DCC: variants seen among roughly 807,000 people sequenced by gnomAD.
DCC encodes DCC netrin 1 receptor.
DCC carries 58 observed loss-of-function variants against 172.5 expected under a neutral mutation model. The observed-to-expected ratio is 0.34, with a 90% CI of 0.27 to 0.42. DCC has a LOEUF of 0.42. Among genes scored for constraint, DCC ranks in the 10% least tolerant of loss-of-function variants. The probability of loss-of-function intolerance (pLI) is 1.00; values close to 1 mark genes in which losing one functional copy is unlikely to be tolerated. For missense variants in DCC, 1,740 were observed against 1,791.0 expected, an observed-to-expected ratio of 0.97 and a Z score of 0.51; for synonymous variants, 709 against 644.5, an observed-to-expected ratio of 1.10 and a Z score of -1.52.
At chr18:53,282,816 A>T (rs539339993) in intron 12 of DCC, among the ~76,000 whole-genome samples, 1 of 152,302 alleles carries the variant, frequency 6.6e-6, no homozygotes, top group African/African-American at 2.4e-5. Context: ...GCAGGGAGTG[A>T]AAAAGACTTC....
At chr18:52,440,702 T>C (rs1190569883) in intron 1 of DCC, among the ~76,000 whole-genome samples, 1 of 152,244 alleles carries the variant, frequency 6.6e-6, no homozygotes, top group Non-Finnish European at 1.5e-5. Context: ...ATTAACTTTT[T>C]CATTTCACAC....
chr18:52,572,959 C>T (rs1224531308), intron 1 of DCC, among the ~76,000 whole-genome samples: 1 of 152,130 alleles, frequency 6.6e-6, no homozygotes, highest in Non-Finnish European at 1.5e-5. Flanking sequence ...ACATTAAATG[C>T]CTCTTAAAAG....
intron 12 of DCC, among the ~76,000 whole-genome samples, chr18:53,254,005 G>A (rs2056474100): frequency 6.6e-6 from 1 of 152,086 alleles, no homozygotes; most frequent in Non-Finnish European, 1.5e-5. Context: ...TCCCTCCAAT[G>A]TATTAGCATA....
intron 2 of DCC, among the ~76,000 whole-genome samples, chr18:52,868,077 G>GTA (rs1365515503): frequency 0.056 from 6,687 of 120,308 alleles, 275 homozygotes; most frequent in Middle Eastern, 0.11. Context: ...GTGTGTGTGT[G>GTA]TATATATGTG....
At chr18:53,036,015 C>T (rs1029985507) in intron 5 of DCC, among the ~76,000 whole-genome samples, 45 of 152,110 alleles carry the variant, frequency 3.0e-4, no homozygotes, top group African/African-American at 1.1e-3. Context: ...CGATGTTGGA[C>T]ACTTGGTAAG....
chr18:53,274,258 C>G (rs2056781368), intron 12 of DCC, among the ~76,000 whole-genome samples: 1 of 152,086 alleles, frequency 6.6e-6, no homozygotes, highest in African/African-American at 2.4e-5. Context: ...ACAGAAGAAT[C>G]ATGGCATGTT....
intron 8 of DCC, among the ~76,000 whole-genome samples, chr18:53,173,436 C>T (rs1307272916): frequency 2.0e-5 from 3 of 152,006 alleles, no homozygotes; most frequent in Non-Finnish European, 4.4e-5. Flanking sequence ...ATGGTATTAG[C>T]ACATGTACCT....
intron 8 of DCC, among the ~76,000 whole-genome samples, chr18:53,158,263 A>G (rs1177402575): frequency 6.6e-6 from 1 of 152,244 alleles, no homozygotes; most frequent in Non-Finnish European, 1.5e-5. Flanking sequence ...TATTGTGGAT[A>G]TTACTATTGA....
At chr18:53,057,957 C>G (rs2042435069) in intron 5 of DCC, among the ~76,000 whole-genome samples, 1 of 151,778 alleles carries the variant, frequency 6.6e-6, no homozygotes, top group South Asian at 2.1e-4. Flanking sequence ...AGAGATAGAC[C>G]ACTGCAAGAA....
intron 2 of DCC, among the ~76,000 whole-genome samples, chr18:52,793,348 T>C (rs1004340092): frequency 2.0e-5 from 3 of 152,186 alleles, no homozygotes; most frequent in Admixed American, 2.0e-4. Flanking sequence ...CCAGCTTGCT[T>C]GTCTTTGAGG....
intron 14 of DCC, 70 bp downstream of exon 14, chr18:53,322,227 A>G: frequency 1.1e-6 from 1 of 885,806 alleles, no homozygotes; most frequent in Non-Finnish European, 1.9e-6. Context: ...AGGTCTCTTA[A>G]AAAAGGAATG....
intron 2 of DCC, among the ~76,000 whole-genome samples, chr18:52,821,696 T>C (rs986505584): frequency 6.6e-6 from 1 of 152,240 alleles, no homozygotes; most frequent in African/African-American, 2.4e-5. Flanking sequence ...TACTTCTTTA[T>C]TGGAATGCTG....
At chr18:52,355,214 A>C (rs1277214822) in intron 1 of DCC, among the ~76,000 whole-genome samples, 2 of 152,166 alleles carry the variant, frequency 1.3e-5, no homozygotes, top group Non-Finnish European at 2.9e-5. Context: ...GATTAAAAAA[A>C]AAAAGCACAT....
chr18:53,315,029 AGG>A (rs1426459862), intron 13 of DCC, among the ~76,000 whole-genome samples: 2 of 152,178 alleles, frequency 1.3e-5, no homozygotes, highest in Non-Finnish European at 2.9e-5. Flanking sequence ...TTTGTTGCAT[AGG>A]TATACACATG....
chr18:53,271,139 T>C (rs1396310344), intron 12 of DCC, among the ~76,000 whole-genome samples: 1 of 152,168 alleles, frequency 6.6e-6, no homozygotes, highest in Non-Finnish European at 1.5e-5. Flanking sequence ...GCCTATATAA[T>C]ACTAGAGTGT....
chr18:52,842,579 C>A (rs2038824663), intron 2 of DCC, among the ~76,000 whole-genome samples: 1 of 152,142 alleles, frequency 6.6e-6, no homozygotes. Context: ...TCATAGACAC[C>A]CTGAAATAAT....
intron 1 of DCC, among the ~76,000 whole-genome samples, chr18:52,568,795 A>G (rs2033225345): frequency 6.6e-6 from 1 of 152,180 alleles, no homozygotes; most frequent in African/African-American, 2.4e-5. Flanking sequence ...CTCTGCAACT[A>G]TAGAACTTCC....
intron 2 of DCC, among the ~76,000 whole-genome samples, chr18:52,863,994 A>G (rs2039183081): frequency 6.6e-6 from 1 of 152,156 alleles, no homozygotes; most frequent in Non-Finnish European, 1.5e-5. Flanking sequence ...ATTTAGGTTT[A>G]TTTACTTAAA....
In DCC at chr18:53,207,700, T is replaced by G; in HGVS notation, c.1744T>G (p.Ser582Ala). 1 of 1,613,720 alleles carries G rather than the reference T, an allele frequency of 6.2e-7. No homozygotes were observed. The highest frequency in any genetic ancestry group is 8.5e-7 in the Non-Finnish European group (1 of 1,179,694). Residue 582 changes from serine to alanine, a missense_variant, in exon 11 of 29, where the codon TCT becomes GCT. This residue lies in a region of DCC where 1,732 missense variants were observed against 1,767.4 expected (regional missense o/e 0.98). Transcript: ENST00000442544. ...KEQNIEVDGL[S>A]YKLEGLKKFT... is the part of the protein sequence containing the mutation. Reference sequence around the variant, plus strand: ...CCAGAATATAGAGGTTGATGGACTATCTTATAAACTGGAAGGCCTGAAAAA... The same window carrying G: ...CCAGAATATAGAGGTTGATGGACTAGCTTATAAACTGGAAGGCCTGAAAAA...
Sources: allele counts gnomAD v4.1 joint callset (sites outside exome capture counted in the v4.1 genomes callset), GRCh38; gene constraint gnomAD v4.1.1; regional missense constraint gnomAD v4.1.1; transcripts MANE v1.5; gene names NCBI Gene and HGNC (gene_info 2026-07-23, HGNC 2026-07-21).